The following CFAP77 variants were observed in gnomAD, a reference collection of about 807,000 sequenced individuals.
The protein encoded by CFAP77 is cilia- and flagella-associated protein 77.
CFAP77 carries 25 observed loss-of-function variants against 31.1 expected under a neutral mutation model. The observed-to-expected ratio is 0.80, with a 90% CI of 0.59 to 1.12. The LOEUF (loss-of-function observed/expected upper bound fraction) is 1.12. Ranked by LOEUF, CFAP77 falls within the 50% of genes most tolerant of loss-of-function variation. CFAP77 has a pLI of 0.00. For missense variants in CFAP77, 377 were observed against 397.3 expected (o/e 0.95, Z 0.44); for synonymous variants, 151 against 159.9 (o/e 0.94, Z 0.42).
chr9:132,537,456 C>T (rs537133807), intron 3 of CFAP77, 145 bp from the exon 4 acceptor site: 15 of 605,860 alleles, frequency 2.5e-5, no homozygotes, highest in South Asian at 4.8e-5. Flanking sequence ...GGCTTTTGAG[C>T]GCTGGGAGAG....
intron 1 of CFAP77, among the ~76,000 whole-genome samples, chr9:132,467,990 G>C (rs1851184260): frequency 6.6e-6 from 1 of 152,000 alleles, no homozygotes; most frequent in Non-Finnish European, 1.5e-5. Context: ...AGCAGATGTG[G>C]ATCTGATGAG....
At chr9:132,485,007 C>A (rs1379494694) in intron 1 of CFAP77, among the ~76,000 whole-genome samples, 2 of 152,098 alleles carry the variant, frequency 1.3e-5, no homozygotes, top group Non-Finnish European at 2.9e-5. Context: ...CGCCAGCAAG[C>A]CCAGCTAATT....
chr9:132,414,499 TCACACACACA>T lies in CFAP77; in HGVS notation c.195+4065_195+4074del, dbSNP rs34016277. On this transcript the variant is annotated intron_variant, in intron 1 of 5. Transcript: ENST00000393216. ...GCTCTTGGGAAATGTTAGCTCTTAT[TCACACACACA>T]CACACACACACACACACACACACAC... Among the ~76,000 whole-genome samples, 365 of 143,786 alleles carry T rather than the reference TCACACACACA, an allele frequency of 2.5e-3. 2 individuals carry two copies. Among genetic ancestry groups the T allele is most frequent in the African/African-American group, 7.8e-3 (301 of 38,766 alleles). The allele number at this position is 143,786 out of a possible 152,430, so 94.3% of individuals were successfully genotyped here.
At chr9:132,415,109 A>G (rs904867070) in intron 1 of CFAP77, among the ~76,000 whole-genome samples, 4 of 152,200 alleles carry the variant, frequency 2.6e-5, no homozygotes, top group Admixed American at 6.5e-5. Context: ...CAGTCCTTTT[A>G]CATTCAATTA....
chr9:132,421,014 T>G (rs1397936230), intron 1 of CFAP77, among the ~76,000 whole-genome samples: 1 of 141,154 alleles, frequency 7.1e-6, no homozygotes, highest in Non-Finnish European at 1.6e-5. Context: ...TTTTTTTTTT[T>G]TTTTTTTTTT....
At position 132,521,778 on chromosome 9, in the gene CFAP77, T is replaced by TTTTGTTTTG. The variant is rs1554747338; in HGVS notation, c.525-15820_525-15819insGTTTTGTTT. ...ATAGACTTGCTTTTTTTTTTTTTTTTTTTTTTGAGATGAAGTCTCACTCTG... is the reference window on the plus strand; with the variant it reads ...ATAGACTTGCTTTTTTTTTTTTTTTTTTTGTTTTGTTTTTTGAGATGAAGTCTCACTCTG... On this transcript the variant is annotated intron_variant, in intron 3 of 5. Transcript: ENST00000393216. Among the ~76,000 whole-genome samples, 471 of 106,162 alleles carry TTTTGTTTTG rather than the reference T, an allele frequency of 4.4e-3. 9 individuals are homozygous for TTTTGTTTTG. The highest frequency in any genetic ancestry group is 7.0e-3 in the South Asian group (19 of 2,696). 69.6% of individuals were successfully genotyped at this position (106,162 alleles called of 152,430 possible). A position where few individuals can be genotyped will look rare whatever the true frequency, so the allele number is the denominator to read the frequency against.
At chr9:132,550,727 G>T (rs1043828375) in intron 5 of CFAP77, among the ~76,000 whole-genome samples, 1 of 151,924 alleles carries the variant, frequency 6.6e-6, no homozygotes, top group Non-Finnish European at 1.5e-5. Flanking sequence ...TGTTGCCCAG[G>T]TTCCTTCTGG....
intron 1 of CFAP77, among the ~76,000 whole-genome samples, chr9:132,449,076 G>C (rs1422875795): frequency 1.3e-5 from 2 of 152,070 alleles, no homozygotes; most frequent in African/African-American, 4.8e-5. Flanking sequence ...CTTCACAGAG[G>C]GGGCCAGTCT....
intron 1 of CFAP77, among the ~76,000 whole-genome samples, chr9:132,483,923 G>A (rs1018633329): frequency 6.6e-6 from 1 of 150,710 alleles, no homozygotes; most frequent in African/African-American, 2.5e-5. Context: ...TCTCCTTCCT[G>A]TGGAGGTATT....
rs1434146633 is a variant in CFAP77, at chr9:132,499,535, T to C, written c.459T>C (p.Asp153=). 1 of 1,614,206 alleles carries C rather than the reference T, an allele frequency of 6.2e-7. No individual in the cohort carries two copies. Among genetic ancestry groups the C allele is most frequent in the South Asian group, 1.1e-5 (1 of 91,086 alleles). The change falls in exon 3 of 6, where the codon GAT becomes GAC. Residue 153 remains aspartate (D), a synonymous_variant. Coordinates refer to ENST00000393216, the MANE Select transcript of CFAP77 (RefSeq NM_001282957.2). The surrounding 1 kb of genome is among the most constrained non-coding windows in gnomAD (Gnocchi z 5.4). Reference sequence around the variant, plus strand: ...ATGACATCCGCATCAGTGACCAGGATGACCGGCGCATGAAGAAAGAGCCGC... The same window carrying C: ...ATGACATCCGCATCAGTGACCAGGACGACCGGCGCATGAAGAAAGAGCCGC... ...QLNDIRISDQ[D]DRRMKKEPPP...
rs752967239 is a variant in CFAP77, at chr9:132,410,258, C to T, written c.-14C>T. 8 of 1,550,302 alleles carry T rather than the reference C, an allele frequency of 5.2e-6. No homozygotes were observed. Among genetic ancestry groups the T allele is most frequent in the South Asian group, 1.2e-5 (1 of 85,268 alleles). ...CAAACCAGCCCGCGGGCCGGCTCCC[C>T]GGCGACCTCAAGGATGCCAGAGGCC... On this transcript the variant is annotated 5_prime_UTR_variant, in exon 1 of 6. Coordinates refer to ENST00000393216, the MANE Select transcript of CFAP77 (RefSeq NM_001282957.2).
intron 5 of CFAP77, among the ~76,000 whole-genome samples, chr9:132,547,145 T>A (rs536044574): frequency 6.6e-6 from 1 of 152,174 alleles, no homozygotes; most frequent in Non-Finnish European, 1.5e-5. Context: ...CCCCTGCCCT[T>A]TGGCCGGGTG....
rs142531081 is a variant in CFAP77 at position 132,425,377 on chromosome 9, C to T, written c.195+14911C>T. Among the ~76,000 whole-genome samples, 548 of 152,254 alleles carry T rather than the reference C, an allele frequency of 3.6e-3. 3 individuals carry two copies. Among genetic ancestry groups the T allele is most frequent in the South Asian group, 8.3e-3 (40 of 4,822 alleles). ...CCCCACTCCTTTGCTCTCTTTCTCT[C>T]TCCAACCTCGCTCCCCAGTCCCCTC... On this transcript the variant is annotated intron_variant, in intron 1 of 5. Transcript: ENST00000393216.
chr9:132,545,842 G>T lies in CFAP77; in HGVS notation c.732+2795G>T, dbSNP rs1021038357. On this transcript the variant is annotated intron_variant, in intron 5 of 5. Transcript: ENST00000393216. The surrounding 1 kb of genome is among the most constrained non-coding windows in gnomAD (Gnocchi z 4.6). The stretch of plus-strand genomic sequence containing the variant: ...AAGTGGAGTCTGGGTCCAATCTGGG[G>T]TTTCCTAGCCCCAGGGCCTCCCGAG... Among the ~76,000 whole-genome samples, 3 of 152,188 alleles carry T rather than the reference G, an allele frequency of 2.0e-5. No individual in the cohort carries two copies. Among genetic ancestry groups the T allele is most frequent in the Non-Finnish European group, 2.9e-5 (2 of 68,038 alleles).
At position 132,546,060 on chromosome 9, in the gene CFAP77, G is replaced by C. The variant is rs1034796753; in HGVS notation, c.732+3013G>C. Among the ~76,000 whole-genome samples, 6 of 152,342 alleles carry C rather than the reference G, an allele frequency of 3.9e-5. No individual in the cohort carries two copies. The South Asian group carries it at 6.2e-4, about 16-fold the overall frequency. On this transcript the variant is annotated intron_variant, in intron 5 of 5. Transcript: ENST00000393216. ...CACCTTGTCCCCAGAGGCCAGCAGG[G>C]TGCCTGGCACAGAGTAGGGGATCAG...
intron 5 of CFAP77, among the ~76,000 whole-genome samples, chr9:132,544,847 C>T (rs1168838324): frequency 6.6e-6 from 1 of 152,160 alleles, no homozygotes; most frequent in African/African-American, 2.4e-5. Context: ...GGGGACGCTG[C>T]CTGAGGAGGG....
At position 132,410,231 on chromosome 9, in the gene CFAP77, C is replaced by T; in HGVS notation, c.-41C>T. ...GCTGTGCCCGACGTGGGGAAGCGCG[C>T]CCAAACCAGCCCGCGGGCCGGCTCC... On this transcript the variant is annotated 5_prime_UTR_variant, in exon 1 of 6. Coordinates refer to ENST00000393216, the MANE Select transcript of CFAP77 (RefSeq NM_001282957.2). The T allele has an allele frequency of 6.6e-7, 1 of 1,511,372 alleles. No individual in the cohort carries two copies. Among genetic ancestry groups the T allele is most frequent in the Non-Finnish European group, 8.8e-7 (1 of 1,131,104 alleles). The allele number at this position is 1,511,372 out of a possible 1,614,324, so 93.6% of individuals were successfully genotyped here. A position where few individuals can be genotyped will look rare whatever the true frequency, so the allele number is the denominator to read the frequency against.
intron 1 of CFAP77, among the ~76,000 whole-genome samples, chr9:132,492,468 T>C (rs140866800): frequency 6.6e-6 from 1 of 152,320 alleles, no homozygotes; most frequent in East Asian, 1.9e-4. Context: ...AGATGAGGTC[T>C]GTGCACATGA....
chr9:132,532,068 ATAAT>A (rs577939395), intron 3 of CFAP77, among the ~76,000 whole-genome samples: 59 of 152,346 alleles, frequency 3.9e-4, no homozygotes, highest in African/African-American at 9.4e-4. Flanking sequence ...GGGGTGTGTA[ATAAT>A]TAAGTAATAA....
Sources: gnomAD v4.1 joint callset for allele counts (sites outside exome capture counted in the v4.1 genomes callset) on GRCh38, gnomAD v4.1.1 for gene constraint, Gnocchi (gnomAD v3.1) non-coding constraint, MANE v1.5 for transcripts, NCBI Gene and HGNC (gene_info 2026-07-23, HGNC 2026-07-21) for gene names.